SNX24: variants seen among roughly 807,000 people sequenced by gnomAD.
The protein encoded by SNX24 is sorting nexin 24.
SNX24 carries 22 observed loss-of-function variants against 28.7 expected under a neutral mutation model. The ratio of observed to expected loss-of-function variants is 0.77; its 90% confidence interval spans 0.55 to 1.10. The LOEUF (loss-of-function observed/expected upper bound fraction) is 1.10. SNX24 is among the 50% of genes least tolerant of loss of function. The pLI, the probability that SNX24 is intolerant of heterozygous loss-of-function variation, is 0.00. For missense variants in SNX24, 221 were observed against 201.1 expected (o/e 1.10, Z -0.60); for synonymous variants, 69 against 71.5 (o/e 0.96, Z 0.18).
rs145461342 is a variant in SNX24 at position 122,934,408 on chromosome 5, A to G, written c.61-2326A>G. Among the ~76,000 whole-genome samples the G allele has an allele frequency of 8.3e-3, 1,263 of 152,118 alleles. 18 individuals are homozygous for G. The highest frequency in any genetic ancestry group is 0.029 in the African/African-American group (1,197 of 41,480). On this transcript the variant is annotated intron_variant, in intron 1 of 6. Coordinates refer to ENST00000261369, the MANE Select transcript of SNX24 (RefSeq NM_014035.4). ...AGAGTCTCGCTCGGTTGCCCAGGCT[A>G]GAGTTCAGTGGCACGATCTTGGCTC...
In SNX24 at chr5:122,979,370, G is replaced by C. The variant is rs546304127; in HGVS notation, c.250-20542G>C. On this transcript the variant is annotated intron_variant, in intron 3 of 6. Transcript: ENST00000261369. The stretch of plus-strand genomic sequence containing the variant: ...GATGGCATTCAGCTGCTATTGATTT[G>C]CTTCCATAGTTAAGGAGCAGCCTGC... 8.3e-4 allele frequency among the ~76,000 whole-genome samples: 127 copies of C among 152,250 alleles called. 1 individual carries two copies. The South Asian group carries it at 0.016, about 20-fold the overall frequency.
intron 1 of SNX24, among the ~76,000 whole-genome samples, chr5:122,867,182 C>G (rs143583338): frequency 6.6e-4 from 101 of 152,298 alleles, no homozygotes; most frequent in African/African-American, 2.3e-3. Context: ...CATCATTCTA[C>G]CAAGCCAGCT....
intron 1 of SNX24, among the ~76,000 whole-genome samples, chr5:122,901,878 G>A (rs1409040062): frequency 6.6e-6 from 1 of 152,066 alleles, no homozygotes; most frequent in African/African-American, 2.4e-5. Flanking sequence ...GACATCCTGT[G>A]GTAGAACATC....
intron 3 of SNX24, among the ~76,000 whole-genome samples, chr5:122,979,203 G>C (rs1311648220): frequency 6.6e-6 from 1 of 152,126 alleles, no homozygotes; most frequent in Non-Finnish European, 1.5e-5. Flanking sequence ...TTTTTTTGTT[G>C]TTTTGCATAT....
chr5:122,916,176 A>G (rs1464162993), intron 1 of SNX24, among the ~76,000 whole-genome samples: 1 of 152,262 alleles, frequency 6.6e-6, no homozygotes, highest in Non-Finnish European at 1.5e-5. Context: ...TATCAGAATT[A>G]AGACAAAACA....
At chr5:122,959,254 T>C (rs1760366054) in intron 3 of SNX24, among the ~76,000 whole-genome samples, 1 of 151,894 alleles carries the variant, frequency 6.6e-6, no homozygotes, top group South Asian at 2.1e-4. Flanking sequence ...CAAATTCTCA[T>C]TTGTCCATTT....
At chr5:122,901,513 C>T (rs915085334) in intron 1 of SNX24, among the ~76,000 whole-genome samples, 1 of 152,132 alleles carries the variant, frequency 6.6e-6, no homozygotes, top group Non-Finnish European at 1.5e-5. Flanking sequence ...CCAGGTCCAG[C>T]GGGGCTGGTA....
intron 3 of SNX24, among the ~76,000 whole-genome samples, chr5:122,996,248 A>G (rs1385970503): frequency 6.6e-6 from 1 of 152,192 alleles, no homozygotes; most frequent in Admixed American, 6.5e-5. Context: ...AACTGAAACA[A>G]GAAGGCCAGC....
intron 1 of SNX24, among the ~76,000 whole-genome samples, chr5:122,899,133 G>A (rs569646410): frequency 2.0e-5 from 3 of 152,312 alleles, no homozygotes; most frequent in African/African-American, 7.2e-5. Flanking sequence ...TGCCCCACCT[G>A]AAGAACACAG....
chr5:122,925,196 C>T (rs1758633281), intron 1 of SNX24, among the ~76,000 whole-genome samples: 1 of 98,326 alleles, frequency 1.0e-5, no homozygotes, highest in Non-Finnish European at 2.0e-5. Context: ...CATCCTTCTT[C>T]CCCCTTCCTA....
chr5:122,913,478 T>A (rs246299), intron 1 of SNX24, among the ~76,000 whole-genome samples: 1 of 151,418 alleles, frequency 6.6e-6, no homozygotes, highest in African/African-American at 2.4e-5. Context: ...GGTGGCTGCC[T>A]GGCGTAGACG....
intron 3 of SNX24, among the ~76,000 whole-genome samples, chr5:122,985,038 G>A (rs118165591): frequency 6.6e-6 from 1 of 152,216 alleles, no homozygotes; most frequent in African/African-American, 2.4e-5. Context: ...ACTTCTTTGG[G>A]TAGCAGAGTC....
chr5:123,008,384 C>A lies in SNX24; in HGVS notation c.*635C>A. 2.6e-6 allele frequency: 2 copies of A among 782,324 alleles called. No homozygotes were observed. The highest frequency in any genetic ancestry group is 1.9e-5 in the African/African-American group (1 of 53,300). 48.5% of individuals were successfully genotyped at this position (782,324 alleles called of 1,614,324 possible). On this transcript the variant is annotated 3_prime_UTR_variant, in exon 7 of 7. Coordinates refer to ENST00000261369, the MANE Select transcript of SNX24 (RefSeq NM_014035.4). The stretch of plus-strand genomic sequence containing the variant: ...CAGGGGTTAGCTTCCAAGGTCAGTA[C>A]ATAGGTAAAATGGGCTATTAGGATG...
intron 3 of SNX24, among the ~76,000 whole-genome samples, chr5:122,995,448 G>A (rs1279050510): frequency 1.3e-5 from 2 of 152,084 alleles, no homozygotes; most frequent in Non-Finnish European, 2.9e-5. Flanking sequence ...CTCTTCCTAG[G>A]TTTATTCTTA....
In SNX24 at chr5:122,963,037, C is replaced by G. The variant is rs189005953; in HGVS notation, c.249+16878C>G. Among the ~76,000 whole-genome samples, 53 of 152,254 alleles carry G rather than the reference C, an allele frequency of 3.5e-4. 1 individual carries two copies. In the East Asian group the frequency reaches 5.0e-3, roughly 14 times the overall value. ...TCACTTGAAGTCAGGAGTTTGAGATCAGCCTGGCCAACATAGTGAAACCTC... is the reference window on the plus strand; with the variant it reads ...TCACTTGAAGTCAGGAGTTTGAGATGAGCCTGGCCAACATAGTGAAACCTC... On this transcript the variant is annotated intron_variant, in intron 3 of 6. Transcript: ENST00000261369.
At chr5:122,941,875 G>C (rs1427683650) in intron 2 of SNX24, among the ~76,000 whole-genome samples, 1 of 152,064 alleles carries the variant, frequency 6.6e-6, no homozygotes, top group Non-Finnish European at 1.5e-5. Flanking sequence ...GTACTAGGTG[G>C]GAAGAACACC....
At chr5:122,853,407 G>A (rs1187078468) in intron 1 of SNX24, among the ~76,000 whole-genome samples, 29 of 152,152 alleles carry the variant, frequency 1.9e-4, no homozygotes, top group Non-Finnish European at 7.4e-5. Flanking sequence ...GATTACAGGC[G>A]TGAGCCACCG....
At chr5:122,900,521 C>T (rs891820126) in intron 1 of SNX24, among the ~76,000 whole-genome samples, 1 of 152,112 alleles carries the variant, frequency 6.6e-6, no homozygotes, top group Non-Finnish European at 1.5e-5. Context: ...CATCCCAGTG[C>T]TTTGGGAGGC....
intron 2 of SNX24, among the ~76,000 whole-genome samples, chr5:122,942,871 G>C (rs1457049310): frequency 2.0e-5 from 3 of 152,146 alleles, no homozygotes; most frequent in Non-Finnish European, 4.4e-5. Flanking sequence ...GATCCCAGCA[G>C]CTATGATCAT....
Sources: gnomAD v4.1 joint callset for allele counts (sites outside exome capture counted in the v4.1 genomes callset) on GRCh38, gnomAD v4.1.1 for gene constraint, MANE v1.5 for transcripts, NCBI Gene and HGNC (gene_info 2026-07-23, HGNC 2026-07-21) for gene names.